Variants in FRMD3 observed in about 807,000 individuals in gnomAD.
FRMD3 encodes the protein FERM domain containing 3, also known as FERM domain-containing protein 3.
FRMD3 carries 33 observed loss-of-function variants against 70.2 expected under a neutral mutation model. That is an observed-to-expected ratio of 0.47 (90% CI 0.36 to 0.63). The LOEUF is 0.63. Among genes scored for constraint, FRMD3 ranks in the 20% least tolerant of loss-of-function variants. The pLI is 0.00. For synonymous variants in FRMD3, 279 were observed against 255.9 expected, an observed-to-expected ratio of 1.09 and a Z score of -0.86; for missense variants, 632 against 711.4, an observed-to-expected ratio of 0.89 and a Z score of 1.27.
At position 83,323,944 on chromosome 9, in the gene FRMD3, A is replaced by G. The variant is rs571748522; in HGVS notation, c.597-10197T>C. 2.6e-5 allele frequency among the ~76,000 whole-genome samples: 4 copies of G among 152,370 alleles called. No individual in the cohort carries two copies. The South Asian group carries it at 8.3e-4, about 32-fold the overall frequency. ...TGGCAAGTTCCACACTTAGGCTTGT[A>G]CTTACACTAGGGAGTCCTGTACATG... On this transcript the variant is annotated intron_variant, in intron 6 of 13. Coordinates refer to ENST00000304195, the MANE Select transcript of FRMD3 (RefSeq NM_174938.6).
chr9:83,356,778 G>T (rs1441832153), intron 3 of FRMD3, among the ~76,000 whole-genome samples: 1 of 151,868 alleles, frequency 6.6e-6, no homozygotes, highest in Admixed American at 6.6e-5. Flanking sequence ...GGGAAAACAG[G>T]TGGTGTTGGT....
At chr9:83,539,551 C>T (rs1023407696), upstream of FRMD3, among the ~76,000 whole-genome samples, 1 of 152,202 alleles carries the variant, frequency 6.6e-6, no homozygotes, top group Admixed American at 6.5e-5. Flanking sequence ...ATAGAGTCCC[C>T]TCATCCAAAG....
chr9:83,245,677 T>C lies in FRMD3; in HGVS notation c.*2241A>G. On this transcript the variant is annotated 3_prime_UTR_variant, in exon 14 of 14. Coordinates refer to ENST00000304195, the MANE Select transcript of FRMD3 (RefSeq NM_174938.6). ...TTTAAAAAATATTATATAATATTAT[T>C]TTGAAAGACTGAGGGCCAGATGATT... 1 of 927,722 alleles carries C rather than the reference T, an allele frequency of 1.1e-6. No individual in the cohort carries two copies. The highest frequency in any genetic ancestry group is 1.3e-6 in the Non-Finnish European group (1 of 777,592). The allele number at this position is 927,722 out of a possible 1,614,324, so 57.5% of individuals were successfully genotyped here. A position where few individuals can be genotyped will look rare whatever the true frequency, so the allele number is the denominator to read the frequency against.
intron 1 of FRMD3, among the ~76,000 whole-genome samples, chr9:83,498,332 A>T (rs1382261007): frequency 6.6e-6 from 1 of 152,212 alleles, no homozygotes; most frequent in Non-Finnish European, 1.5e-5. Flanking sequence ...GTAGAGACCA[A>T]ACTTGACACA....
chr9:83,477,410 CAG>C (rs905611515), intron 1 of FRMD3, among the ~76,000 whole-genome samples: 2 of 152,146 alleles, frequency 1.3e-5, no homozygotes, highest in Non-Finnish European at 2.9e-5. Flanking sequence ...GGCTGCATTT[CAG>C]AGTCACCTGG....
chr9:83,244,915 A>C lies in FRMD3; in HGVS notation c.*3003T>G. On this transcript the variant is annotated 3_prime_UTR_variant, in exon 14 of 14. Coordinates refer to ENST00000304195, the MANE Select transcript of FRMD3 (RefSeq NM_174938.6). Reference sequence around the variant, plus strand: ...TTACTTTACCTACATTGTTTTCATGATCCAACTTGCATTAGCACTAAAGGC... The same window carrying C: ...TTACTTTACCTACATTGTTTTCATGCTCCAACTTGCATTAGCACTAAAGGC... 6 of 985,254 alleles carry C rather than the reference A, an allele frequency of 6.1e-6. No individual in the cohort carries two copies. Among genetic ancestry groups the C allele is most frequent in the Non-Finnish European group, 7.2e-6 (6 of 829,772 alleles). 61.0% of individuals were successfully genotyped at this position (985,254 alleles called of 1,614,324 possible). A position where few individuals can be genotyped will look rare whatever the true frequency, so the allele number is the denominator to read the frequency against.
chr9:83,494,811 C>T (rs533890997), intron 1 of FRMD3, among the ~76,000 whole-genome samples: 186 of 150,194 alleles, frequency 1.2e-3, no homozygotes, highest in Non-Finnish European at 2.1e-3. Flanking sequence ...TACATTTATA[C>T]TGGTGTTTTT....
intron 13 of FRMD3, among the ~76,000 whole-genome samples, chr9:83,284,903 TCACCAG>T: frequency 6.6e-6 from 1 of 152,178 alleles, no homozygotes; most frequent in African/African-American, 2.4e-5. Flanking sequence ...GTCAGAGACT[TCACCAG>T]TGACAAATCG....
chr9:83,427,930 G>A lies in FRMD3; in HGVS notation c.148-38222C>T, dbSNP rs964298640. Among the ~76,000 whole-genome samples the A allele has an allele frequency of 4.6e-5, 7 of 152,136 alleles. No individual in the cohort carries two copies. In the East Asian group the frequency reaches 5.8e-4, roughly 13 times the overall value. ...GTGGGATGCAGAGAAACTGGACAGC[G>A]TCCTACACTGCTAACAGGAGCATAA... is the stretch of plus-strand genomic sequence containing the variant. On this transcript the variant is annotated intron_variant, in intron 1 of 13. Coordinates refer to ENST00000304195, the MANE Select transcript of FRMD3 (RefSeq NM_174938.6).
chr9:83,583,314 A>G, the FRMD3 span, among the ~76,000 whole-genome samples: 4 of 152,180 alleles, frequency 2.6e-5, no homozygotes, highest in African/African-American at 9.7e-5. Context: ...TCCCCTCAAC[A>G]TAGAACCAGA....
At chr9:83,544,542 C>T in the FRMD3 span, among the ~76,000 whole-genome samples, 1 of 152,196 alleles carries the variant, frequency 6.6e-6, no homozygotes, top group Non-Finnish European at 1.5e-5. Flanking sequence ...AGTATATACC[C>T]ATCTGCGTCT....
At chr9:83,572,034 G>A in the FRMD3 span, among the ~76,000 whole-genome samples, 1 of 152,148 alleles carries the variant, frequency 6.6e-6, no homozygotes, top group Non-Finnish European at 1.5e-5. Context: ...GCTCCCAGAT[G>A]ATGCTAATGC....
At chr9:83,372,115 G>A (rs1337881598) in intron 3 of FRMD3, among the ~76,000 whole-genome samples, 3 of 152,158 alleles carry the variant, frequency 2.0e-5, no homozygotes, top group Admixed American at 2.0e-4. Flanking sequence ...GAAAGTGGAC[G>A]TGGAGGGATA....
chr9:83,406,595 T>A (rs1408098673), intron 1 of FRMD3, among the ~76,000 whole-genome samples: 1 of 152,218 alleles, frequency 6.6e-6, no homozygotes, highest in Non-Finnish European at 1.5e-5. Context: ...AAGGTCCTGA[T>A]GATAACCCTC....
intron 3 of FRMD3, among the ~76,000 whole-genome samples, chr9:83,366,800 C>T (rs1824801683): frequency 6.6e-6 from 1 of 152,222 alleles, no homozygotes; most frequent in Non-Finnish European, 1.5e-5. Flanking sequence ...CATACAACAT[C>T]TGTCCTCTTG....
chr9:83,343,320 C>A, intron 4 of FRMD3, 33 bp from the exon 5 acceptor site: 3 of 1,475,082 alleles, frequency 2.0e-6, no homozygotes, highest in Non-Finnish European at 2.8e-6. Context: ...GTCACTCTAA[C>A]TTTTGGCTGA....
At chr9:83,496,690 A>G (rs942777022) in intron 1 of FRMD3, among the ~76,000 whole-genome samples, 5 of 152,230 alleles carry the variant, frequency 3.3e-5, no homozygotes, top group Admixed American at 6.5e-5. Context: ...TTAGGAAAAC[A>G]TAGGTGGTTT....
chr9:83,476,520 G>A (rs1266963449), intron 1 of FRMD3, among the ~76,000 whole-genome samples: 1 of 152,218 alleles, frequency 6.6e-6, no homozygotes, highest in Non-Finnish European at 1.5e-5. Flanking sequence ...TTGGGTTTTA[G>A]ATGCTAGCAT....
intron 3 of FRMD3, among the ~76,000 whole-genome samples, chr9:83,362,378 G>T (rs72743082): frequency 0.13 from 20,401 of 152,236 alleles, 1,479 homozygotes; most frequent in Non-Finnish European, 0.15. Context: ...CAGGTTTCCA[G>T]GGAGTGCCAT....
Sources: gnomAD v4.1 joint callset for allele counts (sites outside exome capture counted in the v4.1 genomes callset) on GRCh38, gnomAD v4.1.1 for gene constraint, MANE v1.5 for transcripts, NCBI Gene and HGNC (gene_info 2026-07-23, HGNC 2026-07-21) for gene names.